The following RPS6KC1 variants were observed in gnomAD, a reference collection of about 807,000 sequenced individuals.
RPS6KC1 encodes inactive ribosomal protein S6 kinase delta-1.
A neutral mutation model predicts 103.8 loss-of-function variants in RPS6KC1; 54 were observed. The ratio of observed to expected loss-of-function variants is 0.52; its 90% CI spans 0.42 to 0.65. The LOEUF (loss-of-function observed/expected upper bound fraction) is 0.65, where lower values mean the gene tolerates loss of function less well. Among genes scored for constraint, RPS6KC1 ranks in the 30% least tolerant of loss-of-function variants. RPS6KC1 has a pLI of 0.00. For synonymous variants in RPS6KC1, 439 were observed against 438.7 expected (o/e 1.00, Z -0.01); for missense variants, 1,151 against 1,253.8 (o/e 0.92, Z 1.24).
chr1:213,274,287 G>A lies in RPS6KC1; in HGVS notation c.*1653G>A, dbSNP rs1403158140. 1 of 152,320 alleles carries A rather than the reference G, an allele frequency of 6.6e-6. No individual in the cohort carries two copies. Among genetic ancestry groups the A allele is most frequent in the East Asian group, 1.9e-4 (1 of 5,188 alleles). 9.4% of individuals were successfully genotyped at this position (152,320 alleles called of 1,614,324 possible). On this transcript the variant is annotated 3_prime_UTR_variant, in exon 15 of 15. Coordinates refer to ENST00000366960, the MANE Select transcript of RPS6KC1 (RefSeq NM_012424.6). ...AGGTGAGACACAAGAATGACTTCCTGTGTAGGACTAGTAGGAAATCTGCAA... is the reference window on the plus strand; with the variant it reads ...AGGTGAGACACAAGAATGACTTCCTATGTAGGACTAGTAGGAAATCTGCAA...
intron 8 of RPS6KC1, among the ~76,000 whole-genome samples, chr1:213,224,380 C>T (rs1380469500): frequency 1.2e-4 from 18 of 151,724 alleles, no homozygotes; most frequent in Non-Finnish European, 1.5e-5. Context: ...CTTTTTTTTC[C>T]CCCAGTTAGG....
At chr1:213,413,526 C>T in the RPS6KC1 span, among the ~76,000 whole-genome samples, 10 of 152,004 alleles carry the variant, frequency 6.6e-5, no homozygotes, top group Non-Finnish European at 1.3e-4. Flanking sequence ...AGAGAATCTA[C>T]CACCAAAATA....
At chr1:213,059,406 A>G (rs1055781127) in intron 1 of RPS6KC1, among the ~76,000 whole-genome samples, 6 of 152,194 alleles carry the variant, frequency 3.9e-5, no homozygotes, top group African/African-American at 1.4e-4. Context: ...GTGAGAGTAG[A>G]CTTCCTTGCC....
intron 8 of RPS6KC1, chr1:213,176,787 A>C (rs928468207): frequency 5.2e-6 from 1 of 192,044 alleles, no homozygotes; most frequent in Non-Finnish European, 1.1e-5. Context: ...TATTGTGTTA[A>C]TAACAATTGT....
At chr1:213,485,332 G>A in the RPS6KC1 span, among the ~76,000 whole-genome samples, 1,656 of 152,208 alleles carry the variant, frequency 0.011, 11 homozygotes, top group Non-Finnish European at 0.017. Context: ...GATTGAGGAC[G>A]GCTTTGGGGA....
rs191799205 is a variant in RPS6KC1 at position 213,051,998 on chromosome 1, T to C, written c.105+489T>C. On this transcript the variant is annotated intron_variant, in intron 1 of 14. Transcript: ENST00000366960. Reference sequence around the variant, plus strand: ...TGTTAGGCCACCAACCTAGGAACTGTGGATCCGGGCTTTGTCAAACCTTTG... The same window carrying C: ...TGTTAGGCCACCAACCTAGGAACTGCGGATCCGGGCTTTGTCAAACCTTTG... 3.3e-5 allele frequency among the ~76,000 whole-genome samples: 5 copies of C among 152,308 alleles called. No homozygotes were observed. In the East Asian group the frequency reaches 5.8e-4, roughly 18 times the overall value.
At chr1:213,544,820 C>G in the RPS6KC1 span, among the ~76,000 whole-genome samples, 1 of 152,156 alleles carries the variant, frequency 6.6e-6, no homozygotes, top group Non-Finnish European at 1.5e-5. Flanking sequence ...CTCCTTTGGC[C>G]TCCTCTCTCA....
the RPS6KC1 span, chr1:213,546,410 A>G: frequency 6.6e-6 from 1 of 152,192 alleles, no homozygotes; most frequent in Non-Finnish European, 1.5e-5. Flanking sequence ...TTCCATGTCC[A>G]TGGATGAATG....
At chr1:213,848,862 C>T in the RPS6KC1 span, among the ~76,000 whole-genome samples, 2 of 151,900 alleles carry the variant, frequency 1.3e-5, no homozygotes, top group African/African-American at 2.4e-5. Context: ...AAAGCAGAGC[C>T]CGAGGCAAAG....
chr1:213,657,911 G>A, the RPS6KC1 span, among the ~76,000 whole-genome samples: 1 of 152,178 alleles, frequency 6.6e-6, no homozygotes, highest in Non-Finnish European at 1.5e-5. Context: ...CTATGGCCCT[G>A]CCTTGGCAAG....
intron 8 of RPS6KC1, among the ~76,000 whole-genome samples, chr1:213,190,509 T>C (rs1177016364): frequency 2.0e-5 from 3 of 152,236 alleles, no homozygotes; most frequent in Non-Finnish European, 4.4e-5. Context: ...CTTAGATTTT[T>C]TCCTATAGAG....
chr1:213,847,186 G>A, the RPS6KC1 span, among the ~76,000 whole-genome samples: 1 of 152,198 alleles, frequency 6.6e-6, no homozygotes, highest in African/African-American at 2.4e-5. Flanking sequence ...ATTTGGCATA[G>A]ATCTTCACAG....
the RPS6KC1 span, among the ~76,000 whole-genome samples, chr1:213,628,966 G>C: frequency 7.2e-5 from 11 of 152,150 alleles, no homozygotes; most frequent in Admixed American, 2.0e-4. Context: ...TGTGATTTCT[G>C]TTCCTTTACA....
the RPS6KC1 span, among the ~76,000 whole-genome samples, chr1:213,717,192 T>C: frequency 4.6e-5 from 7 of 152,162 alleles, no homozygotes; most frequent in African/African-American, 7.2e-5. Flanking sequence ...AGCCCTGCCC[T>C]CAAGGAACTT....
At chr1:213,052,306 C>G (rs1279234617) in intron 1 of RPS6KC1, among the ~76,000 whole-genome samples, 1 of 152,088 alleles carries the variant, frequency 6.6e-6, no homozygotes, top group Non-Finnish European at 1.5e-5. Context: ...TGCACATCAC[C>G]CAATTTAATT....
chr1:213,298,645 TTC>T, the RPS6KC1 span, among the ~76,000 whole-genome samples: 3 of 152,152 alleles, frequency 2.0e-5, no homozygotes, highest in Non-Finnish European at 4.4e-5. Context: ...TCTTGGAAAT[TTC>T]TTTGTCTTCC....
intron 10 of RPS6KC1, among the ~76,000 whole-genome samples, chr1:213,234,758 C>T (rs1313250427): frequency 6.6e-6 from 1 of 152,142 alleles, no homozygotes; most frequent in Non-Finnish European, 1.5e-5. Flanking sequence ...ATCTGATTTA[C>T]ATTTTAAAAA....
chr1:213,552,170 C>T, the RPS6KC1 span, among the ~76,000 whole-genome samples: 1 of 152,150 alleles, frequency 6.6e-6, no homozygotes, highest in Non-Finnish European at 1.5e-5. Flanking sequence ...CATCTGTGTG[C>T]AGGTTTCTGT....
intron 6 of RPS6KC1, among the ~76,000 whole-genome samples, chr1:213,153,739 T>C (rs551412154): frequency 7.9e-5 from 12 of 152,348 alleles, no homozygotes; most frequent in Admixed American, 6.5e-4. Flanking sequence ...GTACTCCCTT[T>C]AGCACTTCTT....
Sources: allele counts gnomAD v4.1 joint callset (sites outside exome capture counted in the v4.1 genomes callset), GRCh38; gene constraint gnomAD v4.1.1; transcripts MANE v1.5; gene names NCBI Gene and HGNC (gene_info 2026-07-23, HGNC 2026-07-21).